Variants in ANKRD40 observed in about 807,000 individuals in gnomAD.
ANKRD40 encodes ankyrin repeat domain-containing protein 40.
Under a neutral mutation model 35.5 loss-of-function variants are expected in ANKRD40, and 24 were observed. The ratio of observed to expected loss-of-function variants is 0.68; its 90% CI spans 0.49 to 0.95. The LOEUF (loss-of-function observed/expected upper bound fraction) is 0.95. Ranked by LOEUF, ANKRD40 falls within the 40% of genes least tolerant of loss-of-function variation. ANKRD40 has a pLI of 0.00. For missense variants in ANKRD40, 361 were observed against 436.0 expected (o/e 0.83, Z 1.53); for synonymous variants, 147 against 173.5 (o/e 0.85, Z 1.20).
In ANKRD40 at chr17:50,695,844, G is replaced by A; in HGVS notation, c.*153C>T. The A allele has an allele frequency of 1.2e-6, 1 of 847,732 alleles. No homozygotes were observed. The highest frequency in any genetic ancestry group is 1.7e-6 in the Non-Finnish European group (1 of 573,182). The allele number at this position is 847,732 out of a possible 1,614,324, so 52.5% of individuals were successfully genotyped here. Reference sequence around the variant, plus strand: ...GTGGCACCACTGCTTGGGGGTCAGGGGCTTCCTACCTTGGCAGAATGATGT... The same window carrying A: ...GTGGCACCACTGCTTGGGGGTCAGGAGCTTCCTACCTTGGCAGAATGATGT... On this transcript the variant is annotated 3_prime_UTR_variant, in exon 5 of 5. Coordinates refer to ENST00000285243, the MANE Select transcript of ANKRD40 (RefSeq NM_052855.4).
Position 50,707,463 on chromosome 17 carries a change from TGCCCCAC to T in ANKRD40, c.134+51_134+57del. 6.4e-7 allele frequency: 1 copy of T among 1,568,190 alleles called. No individual in the cohort carries two copies. Among genetic ancestry groups the T allele is most frequent in the Non-Finnish European group, 8.6e-7 (1 of 1,158,264 alleles). ...GCGCTGGGCCCAGGTCGCGACTGAC[TGCCCCAC>T]GCCTTCCGACCGGCTGCCCTGACCC... On this transcript the variant is annotated intron_variant, in intron 1 of 4. Coordinates refer to ENST00000285243, the MANE Select transcript of ANKRD40 (RefSeq NM_052855.4). The surrounding 1 kb of genome is among the most constrained non-coding windows in gnomAD (Gnocchi z 4.8).
At chr17:50,706,362 C>A (rs559848832) in intron 1 of ANKRD40, among the ~76,000 whole-genome samples, 2 of 150,880 alleles carry the variant, frequency 1.3e-5, no homozygotes, top group South Asian at 4.2e-4. Flanking sequence ...CCTCGTGATC[C>A]GCCCACCTCA....
rs1597870124 is a variant in ANKRD40, at chr17:50,707,713, T to A, written c.-59A>T. 1.7e-6 allele frequency: 2 copies of A among 1,193,862 alleles called. No individual in the cohort carries two copies. The highest frequency in any genetic ancestry group is 2.1e-6 in the Non-Finnish European group (2 of 959,010). The allele number at this position is 1,193,862 out of a possible 1,614,324, so 74.0% of individuals were successfully genotyped here. A position where few individuals can be genotyped will look rare whatever the true frequency, so the allele number is the denominator to read the frequency against. ...CCTGCCCCGCCCCGCCCGGGGCCTG[T>A]CAGCGCCGCCGCCGTCGCCGCGGCC... On this transcript the variant is annotated 5_prime_UTR_variant, in exon 1 of 5. The change abolishes the stop of an existing upstream ORF in the 5' untranslated region. Coordinates refer to ENST00000285243, the MANE Select transcript of ANKRD40 (RefSeq NM_052855.4). This position sits in a 1 kb window ranked among gnomAD's most constrained non-coding sequence, Gnocchi z 4.8.
chr17:50,705,488 G>A (rs1180429675), intron 1 of ANKRD40, among the ~76,000 whole-genome samples: 2 of 151,354 alleles, frequency 1.3e-5, no homozygotes, highest in East Asian at 3.9e-4. Flanking sequence ...CAGCTGTCCA[G>A]GCTGTTTTCT....
At chr17:50,706,925 A>AAAAAAAAAAAAAG (rs1968347362) in intron 1 of ANKRD40, among the ~76,000 whole-genome samples, 1 of 135,066 alleles carries the variant, frequency 7.4e-6, no homozygotes, top group Non-Finnish European at 1.6e-5. Flanking sequence ...AAAAAAAAAA[A>AAAAAAAAAAAAAG]AAAAAAAGAA....
intron 1 of ANKRD40, among the ~76,000 whole-genome samples, chr17:50,704,532 A>C (rs1305607507): frequency 6.6e-6 from 1 of 151,440 alleles, no homozygotes; most frequent in East Asian, 1.9e-4. Context: ...AAAAAAAAAA[A>C]AAAAAACCTA....
At chr17:50,696,657 G>A (rs1968203525) in intron 4 of ANKRD40, 1 of 291,884 alleles carries the variant, frequency 3.4e-6, no homozygotes, top group African/African-American at 2.2e-5. Context: ...TGGTCTGAAT[G>A]CAATGGTGTT....
In ANKRD40 at chr17:50,707,360, A is replaced by G. The variant is rs900094251; in HGVS notation, c.134+161T>C. Among the ~76,000 whole-genome samples the G allele has an allele frequency of 1.3e-5, 2 of 151,946 alleles. No homozygotes were observed. Among genetic ancestry groups the G allele is most frequent in the Non-Finnish European group, 2.9e-5 (2 of 67,964 alleles). On this transcript the variant is annotated intron_variant, in intron 1 of 4. Coordinates refer to ENST00000285243, the MANE Select transcript of ANKRD40 (RefSeq NM_052855.4). This position sits in a 1 kb window ranked among gnomAD's most constrained non-coding sequence, Gnocchi z 4.8. ...GGACGCGCTCCCGACCGCACGAGGC[A>G]TGGGGGCCAGGGCTGGCCTCAAGAG...
chr17:50,699,754 G>C lies in ANKRD40; in HGVS notation c.423C>G (p.Ala141=). 1.2e-6 allele frequency: 2 copies of C among 1,611,244 alleles called. No individual in the cohort carries two copies. Among genetic ancestry groups the C allele is most frequent in the Non-Finnish European group, 1.7e-6 (2 of 1,178,206 alleles). Residue 141 remains alanine (A), a synonymous_variant, in exon 3 of 5, where the codon GCC becomes GCG. Transcript: ENST00000285243. ...FIYTPTAEDS[A]QMQNGGPSTP... is the part of the protein sequence containing the mutation. ...TGGAGGGGCCCCCATTCTGCATCTGGGCTGAATCCTCTGCTGTGGGTGTAT... is the reference window on the plus strand; with the variant it reads ...TGGAGGGGCCCCCATTCTGCATCTGCGCTGAATCCTCTGCTGTGGGTGTAT...
rs8068442 is a variant in ANKRD40 at position 50,707,804 on chromosome 17, C to G, written c.-150G>C. Reference sequence around the variant, plus strand: ...CTGCTCGCGCCGCTGCCCGCGCCCGCCCCGGGACTTCCGCTCCCTCCCGCG... The same window carrying G: ...CTGCTCGCGCCGCTGCCCGCGCCCGGCCCGGGACTTCCGCTCCCTCCCGCG... On this transcript the variant is annotated 5_prime_UTR_variant, in exon 1 of 5. Coordinates refer to ENST00000285243, the MANE Select transcript of ANKRD40 (RefSeq NM_052855.4). The surrounding 1 kb of genome is among the most constrained non-coding windows in gnomAD (Gnocchi z 4.8). 2.6e-6 allele frequency: 1 copy of G among 383,160 alleles called. No individual in the cohort carries two copies. The highest frequency in any genetic ancestry group is 3.6e-6 in the Non-Finnish European group (1 of 274,016). 23.7% of individuals were successfully genotyped at this position (383,160 alleles called of 1,614,324 possible). A position where few individuals can be genotyped will look rare whatever the true frequency, so the allele number is the denominator to read the frequency against.
In ANKRD40 at chr17:50,707,336, G is replaced by A. The variant is rs903601895; in HGVS notation, c.134+185C>T. Among the ~76,000 whole-genome samples the A allele has an allele frequency of 1.3e-5, 2 of 152,090 alleles. No homozygotes were observed. Among genetic ancestry groups the A allele is most frequent in the African/African-American group, 4.8e-5 (2 of 41,418 alleles). On this transcript the variant is annotated intron_variant, in intron 1 of 4. Coordinates refer to ENST00000285243, the MANE Select transcript of ANKRD40 (RefSeq NM_052855.4). This position sits in a 1 kb window ranked among gnomAD's most constrained non-coding sequence, Gnocchi z 4.8. ...ACCACGTGGGCCGGGATTTGGGCAGGACGCGCTCCCGACCGCACGAGGCAT... is the reference window on the plus strand; with the variant it reads ...ACCACGTGGGCCGGGATTTGGGCAGAACGCGCTCCCGACCGCACGAGGCAT...
In ANKRD40 at chr17:50,694,747, A is replaced by C. The variant is rs1968176391; in HGVS notation, c.*1250T>G. 6.6e-6 allele frequency: 1 copy of C among 152,206 alleles called. No individual in the cohort carries two copies. Among genetic ancestry groups the C allele is most frequent in the Admixed American group, 6.5e-5 (1 of 15,274 alleles). The allele number at this position is 152,206 out of a possible 1,614,324, so 9.4% of individuals were successfully genotyped here. A position where few individuals can be genotyped will look rare whatever the true frequency, so the allele number is the denominator to read the frequency against. On this transcript the variant is annotated 3_prime_UTR_variant, in exon 5 of 5. Transcript: ENST00000285243. ...TATTTTTCAGAACAAAGTCTGGTAG[A>C]CTCATAACTGACTTTGTGAAGTGAA... is the stretch of plus-strand genomic sequence containing the variant.
At position 50,699,364 on chromosome 17, in the gene ANKRD40, CCTGTTGCAGAGG is replaced by C. The variant is rs563141156; in HGVS notation, c.778+23_778+34del. ...TCCCACCCCTCTGGACACCAACTCC[CCTGTTGCAGAGG>C]CTGTTTGCTGATGAGGGGTTACCTT... On this transcript the variant is annotated intron_variant, in intron 3 of 4. Transcript: ENST00000285243. The C allele has an allele frequency of 3.3e-3, 5,346 of 1,601,030 alleles. 10 individuals are homozygous for C. The highest frequency in any genetic ancestry group is 4.0e-3 in the Non-Finnish European group (4,663 of 1,171,928).
At position 50,699,656 on chromosome 17, in the gene ANKRD40, G is replaced by A; in HGVS notation, c.521C>T (p.Thr174Ile). 1 of 1,614,214 alleles carries A rather than the reference G, an allele frequency of 6.2e-7. No individual in the cohort carries two copies. Among genetic ancestry groups the A allele is most frequent in the Non-Finnish European group, 8.5e-7 (1 of 1,180,044 alleles). Residue 174 changes from threonine (T) to isoleucine (I), a missense_variant, in exon 3 of 5, where the codon ACC (threonine) becomes ATC (isoleucine). Physicochemically the swap from Thr to Ile is moderately conservative, Grantham distance 89 (BLOSUM62 -1). Coordinates refer to ENST00000285243, the MANE Select transcript of ANKRD40 (RefSeq NM_052855.4). ...CAAAGAGGTGTGGTCCCGGGGAAAGGTCCCTAACAGGGGAGGTTCCCCAGG... is the reference window on the plus strand; with the variant it reads ...CAAAGAGGTGTGGTCCCGGGGAAAGATCCCTAACAGGGGAGGTTCCCCAGG... Reference protein sequence around the residue: ...LPPGEPPLLGTFPRDHTSLAL... With the variant: ...LPPGEPPLLGIFPRDHTSLAL...
intron 1 of ANKRD40, among the ~76,000 whole-genome samples, chr17:50,705,420 T>TA (rs11459587): frequency 0.43 from 60,566 of 141,338 alleles, 13,488 homozygotes; most frequent in African/African-American, 0.61. Context: ...CAAAGACCTG[T>TA]AAAAAAAAAA....
At chr17:50,703,033 A>G (rs1014743185) in intron 1 of ANKRD40, among the ~76,000 whole-genome samples, 3 of 152,188 alleles carry the variant, frequency 2.0e-5, no homozygotes, top group Non-Finnish European at 2.9e-5. Context: ...GTCAGAAACT[A>G]TTTCAGACCT....
chr17:50,697,157 T>C (rs528693142), intron 3 of ANKRD40, 36 bp from the exon 4 acceptor site: 2 of 1,568,618 alleles, frequency 1.3e-6, no homozygotes, highest in East Asian at 4.5e-5. Context: ...TGAATAGTTC[T>C]GGCACAGCAC....
At chr17:50,701,003 T>C (rs1213455005) in intron 1 of ANKRD40, 1 of 290,780 alleles carries the variant, frequency 3.4e-6, no homozygotes, top group East Asian at 7.0e-5. Context: ...ACTCCAATGA[T>C]ACCGTGGAAT....
At chr17:50,703,078 C>T (rs527973628) in intron 1 of ANKRD40, among the ~76,000 whole-genome samples, 1 of 152,316 alleles carries the variant, frequency 6.6e-6, no homozygotes, top group East Asian at 1.9e-4. Context: ...CAGGGCATCA[C>T]TCATTGGTGC....
Sources: gnomAD v4.1 joint callset for allele counts (sites outside exome capture counted in the v4.1 genomes callset) on GRCh38, gnomAD v4.1.1 for gene constraint, Gnocchi (gnomAD v3.1) non-coding constraint, MANE v1.5 for transcripts, NCBI Gene and HGNC (gene_info 2026-07-23, HGNC 2026-07-21) for gene names.